Variants in CRNKL1 observed in about 807,000 individuals in gnomAD.
The protein encoded by CRNKL1 is crooked neck pre-mRNA splicing factor 1.
Under a neutral mutation model 103.7 loss-of-function variants are expected in CRNKL1, and 35 were observed. The ratio of observed to expected loss-of-function variants is 0.34; its 90% CI spans 0.26 to 0.45. The LOEUF is 0.45. CRNKL1 is among the 20% of genes least tolerant of loss of function. CRNKL1 has a pLI of 1.00. For synonymous variants in CRNKL1, 267 were observed against 282.6 expected (o/e 0.94, Z 0.55); for missense variants, 645 against 836.0 (o/e 0.77, Z 2.82).
intron 11 of CRNKL1, 114 bp from the exon 12 acceptor site, chr20:20,038,564 T>G: frequency 3.2e-6 from 2 of 624,834 alleles, no homozygotes; most frequent in South Asian, 4.0e-5. Flanking sequence ...GGATTTTTAC[T>G]GAACAACTAA....
intron 10 of CRNKL1, among the ~76,000 whole-genome samples, chr20:20,040,320 A>C (rs1397940686): frequency 1.3e-5 from 2 of 150,478 alleles, no homozygotes; most frequent in African/African-American, 2.4e-5. Context: ...TCAAAAAAAA[A>C]CCAAACAAAC....
At chr20:20,043,051 T>C (rs1057353533) in intron 7 of CRNKL1, among the ~76,000 whole-genome samples, 3 of 152,198 alleles carry the variant, frequency 2.0e-5, no homozygotes, top group African/African-American at 7.2e-5. Flanking sequence ...TCTCTTTGAA[T>C]TGAAATCAAA....
rs1371659916 is a variant in CRNKL1, at chr20:20,045,429, T to C, written c.680A>G (p.Lys227Arg). ...CCGTGCATGGGCAAAATAAGCATGT[T>C]TTTCTTCAAAGCGGGCATACTTGAT... ...NWIKYARFEE[K>R]HAYFAHARKV... Residue 227 changes from lysine to arginine, a missense_variant, in exon 6 of 14, where the codon AAA becomes AGA. Lys to Arg is a conservative substitution (Grantham distance 26). Transcript: ENST00000536226. 1 of 1,613,456 alleles carries C rather than the reference T, an allele frequency of 6.2e-7. No homozygotes were observed. The highest frequency in any genetic ancestry group is 1.3e-5 in the African/African-American group (1 of 74,826).
intron 11 of CRNKL1, among the ~76,000 whole-genome samples, chr20:20,039,364 C>T (rs1212719738): frequency 6.6e-6 from 1 of 152,184 alleles, no homozygotes; most frequent in African/African-American, 2.4e-5. Flanking sequence ...GCGTCACCCA[C>T]CCCCATGATA....
chr20:20,042,001 T>G (rs1238549501), intron 8 of CRNKL1, among the ~76,000 whole-genome samples: 1 of 152,224 alleles, frequency 6.6e-6, no homozygotes, highest in Non-Finnish European at 1.5e-5. Context: ...GAATTACTCC[T>G]ATTAATGAGC....
upstream of CRNKL1, among the ~76,000 whole-genome samples, chr20:20,052,938 A>C (rs1198089956): frequency 6.6e-6 from 1 of 152,138 alleles, no homozygotes; most frequent in Non-Finnish European, 1.5e-5. Flanking sequence ...AGGTGCCCAA[A>C]TAATTAACTC....
chr20:20,053,834 T>C (rs1243648197), upstream of CRNKL1, among the ~76,000 whole-genome samples: 1 of 152,152 alleles, frequency 6.6e-6, no homozygotes, highest in Non-Finnish European at 1.5e-5. Flanking sequence ...GAAGTGATTT[T>C]CCTTAAATGT....
At chr20:20,055,913 A>G (rs767552473), upstream of CRNKL1, 13 of 1,496,464 alleles carry the variant, frequency 8.7e-6, no homozygotes, top group Middle Eastern at 1.7e-4. Context: ...AAATTGAGAC[A>G]ATGAGAGAGA....
At position 20,043,492 on chromosome 20, in the gene CRNKL1, C is replaced by A; in HGVS notation, c.972G>T (p.Lys324Asn). 1.2e-6 allele frequency: 2 copies of A among 1,612,174 alleles called. No homozygotes were observed. The highest frequency in any genetic ancestry group is 1.7e-6 in the Non-Finnish European group (2 of 1,178,426). ...KRRFQYEEEV[K>N]ANPHNYDAWF... ...GTTGACCATCCACACCAGTGCTCAC[C>A]TTCACTTCTTCTTCGTACTGGAATC... The change falls in exon 7 of 14, where the codon AAG becomes AAT. Residue 324 changes from lysine (K) to asparagine (N), a missense_variant and splice_region_variant. Around this residue, in one of 2 missense-constraint regions of CRNKL1, gnomAD observed 582 missense variants for 707.7 expected, o/e 0.82. Coordinates refer to ENST00000536226, the MANE Select transcript of CRNKL1 (RefSeq NM_001278628.2).
At chr20:20,040,447 G>C (rs974220914) in intron 10 of CRNKL1, among the ~76,000 whole-genome samples, 1 of 152,170 alleles carries the variant, frequency 6.6e-6, no homozygotes, top group Non-Finnish European at 1.5e-5. Context: ...GTAACTGGTA[G>C]CTATAGAAGT....
chr20:20,043,362 G>T, intron 7 of CRNKL1, 130 bp downstream of exon 7: 3 of 873,444 alleles, frequency 3.4e-6, no homozygotes, highest in Non-Finnish European at 5.3e-6. Flanking sequence ...GCTGCCAATT[G>T]GATCACGGGC....
chr20:20,055,311 A>G (rs997960418), upstream of CRNKL1, among the ~76,000 whole-genome samples: 15 of 152,166 alleles, frequency 9.9e-5, no homozygotes, highest in Non-Finnish European at 1.3e-4. Context: ...TGCCATACCC[A>G]CTTTAGTCTA....
At position 20,043,557 on chromosome 20, in the gene CRNKL1, C is replaced by A. The variant is rs757616700; in HGVS notation, c.907G>T (p.Asp303Tyr). 1 of 1,614,104 alleles carries A rather than the reference C, an allele frequency of 6.2e-7. No individual in the cohort carries two copies. Among genetic ancestry groups the A allele is most frequent in the Non-Finnish European group, 8.5e-7 (1 of 1,179,982 alleles). Residue 303 changes from aspartate (D) to tyrosine (Y), a missense_variant, in exon 7 of 14, where the codon GAT becomes TAT. Physicochemically the swap from Asp to Tyr is radical, Grantham distance 160. Around this residue, in one of 2 missense-constraint regions of CRNKL1, gnomAD observed 582 missense variants for 707.7 expected, o/e 0.82. Transcript: ENST00000536226. ...ATGATATCTTCAATACCCCGCCTAT[C>A]ACCAAACTTCTTCTCAAAGATGGTA... ...NYTIFEKKFG[D>Y]RRGIEDIIVS...
In CRNKL1 at chr20:20,042,489, A is replaced by T; in HGVS notation, c.1000T>A (p.Phe334Ile). 6.2e-7 allele frequency: 1 copy of T among 1,613,216 alleles called. No homozygotes were observed. The highest frequency in any genetic ancestry group is 8.5e-7 in the Non-Finnish European group (1 of 1,179,660). The change falls in exon 8 of 14, where the codon TTT (phenylalanine) becomes ATT (isoleucine). Residue 334 changes from phenylalanine to isoleucine, a missense_variant. This residue lies in a region of CRNKL1 where 582 missense variants were observed against 707.7 expected (regional missense o/e 0.82). Transcript: ENST00000536226. The part of the protein sequence containing the change: ...KANPHNYDAW[F>I]DYLRLVESDA... ...CTTTCTACCAAGCGCAAGTAATCAA[A>T]CCATGCATCATAATTGTGTGGATTC...
chr20:20,052,847 C>T, upstream of CRNKL1: 3 of 892,710 alleles, frequency 3.4e-6, no homozygotes, highest in South Asian at 1.7e-5. Context: ...GCTGCAATGC[C>T]TCGAGCATTG....
At chr20:20,048,274 A>T (rs1225484287) in intron 4 of CRNKL1, 69 bp downstream of exon 4, 1 of 1,535,178 alleles carries the variant, frequency 6.5e-7, no homozygotes. Context: ...TCATGTAAAT[A>T]AAATAAATAC....
At chr20:20,041,703 G>A (rs1341933063) in intron 8 of CRNKL1, 78 bp from the exon 9 acceptor site, 17 of 1,056,964 alleles carry the variant, frequency 1.6e-5, no homozygotes, top group Non-Finnish European at 2.5e-5. Flanking sequence ...TAATTTTACT[G>A]ATATTGGTAA....
intron 2 of CRNKL1, 27 bp from the exon 3 acceptor site, chr20:20,049,458 CA>C: frequency 8.1e-7 from 1 of 1,239,382 alleles, no homozygotes; most frequent in Non-Finnish European, 1.2e-6. Context: ...AGGGTCAAGT[CA>C]AAAGACAAAT....
chr20:20,048,504 TAAG>T lies in CRNKL1; in HGVS notation c.297-6_297-4del, dbSNP rs1159593696. ...CACGCTCGTATATGGATCGAGCCCT[TAAG>T]AAGCAAGATTTGCAGGGCATCAAAA... is the stretch of plus-strand genomic sequence containing the variant. On this transcript the variant is annotated splice_polypyrimidine_tract_variant and splice_region_variant and intron_variant, in intron 3 of 13. Coordinates refer to ENST00000536226, the MANE Select transcript of CRNKL1 (RefSeq NM_001278628.2). The T allele has an allele frequency of 3.1e-6, 5 of 1,613,532 alleles. No homozygotes were observed. The East Asian group carries it at 1.1e-4, about 36-fold the overall frequency.
Sources: allele counts gnomAD v4.1 joint callset (sites outside exome capture counted in the v4.1 genomes callset), GRCh38; gene constraint gnomAD v4.1.1; regional missense constraint gnomAD v4.1.1; transcripts MANE v1.5; gene names NCBI Gene and HGNC (gene_info 2026-07-23, HGNC 2026-07-21).